The following SNTG1 variants were observed in gnomAD, a reference collection of about 807,000 sequenced individuals.
SNTG1 encodes the protein gamma-1-syntrophin.
Under a neutral mutation model 74.7 loss-of-function variants are expected in SNTG1, and 39 were observed. The ratio of observed to expected loss-of-function variants is 0.52; its 90% CI spans 0.40 to 0.68. The LOEUF (loss-of-function observed/expected upper bound fraction) is 0.68. Among genes scored for constraint, SNTG1 ranks in the 30% least tolerant of loss-of-function variants. The pLI is 0.00. For missense variants in SNTG1, 685 were observed against 609.5 expected (o/e 1.12, Z -1.30); for synonymous variants, 254 against 217.1 (o/e 1.17, Z -1.49).
intron 15 of SNTG1, among the ~76,000 whole-genome samples, chr8:50,673,710 T>C (rs970275699): frequency 1.3e-5 from 2 of 152,174 alleles, no homozygotes; most frequent in African/African-American, 4.8e-5. Context: ...TTTCCAATAC[T>C]ATGTTGAATA....
chr8:50,043,750 T>C (rs1444665356), intron 1 of SNTG1, among the ~76,000 whole-genome samples: 1 of 152,182 alleles, frequency 6.6e-6, no homozygotes, highest in Non-Finnish European at 1.5e-5. Flanking sequence ...AAAGTGTTGC[T>C]TGTGGAACAG....
intron 13 of SNTG1, chr8:50,643,939 G>T (rs1196607709): frequency 6.6e-6 from 1 of 152,224 alleles, no homozygotes; most frequent in Non-Finnish European, 1.5e-5. Context: ...TAAGCACTAG[G>T]AATGGTGCTC....
intron 4 of SNTG1, among the ~76,000 whole-genome samples, chr8:50,437,588 T>C (rs187143309): frequency 1.4e-4 from 21 of 152,186 alleles, no homozygotes; most frequent in Non-Finnish European, 2.5e-4. Context: ...CATTTGGAAA[T>C]GGATAATGTG....
chr8:50,713,697 G>T (rs904643492), intron 17 of SNTG1, among the ~76,000 whole-genome samples: 3 of 152,060 alleles, frequency 2.0e-5, no homozygotes, highest in African/African-American at 7.2e-5. Flanking sequence ...TTTATATAAG[G>T]TATAAGGAAG....
intron 13 of SNTG1, among the ~76,000 whole-genome samples, chr8:50,606,298 A>T (rs1186741096): frequency 6.6e-6 from 1 of 152,134 alleles, no homozygotes; most frequent in Admixed American, 6.6e-5. Flanking sequence ...AAGATAGGTT[A>T]GCTCTCTACC....
chr8:50,615,123 T>C (rs2094877516), intron 13 of SNTG1, among the ~76,000 whole-genome samples: 1 of 151,830 alleles, frequency 6.6e-6, no homozygotes, highest in Admixed American at 6.6e-5. Flanking sequence ...TTTGTTTGTT[T>C]GTTTGTTTTT....
intron 2 of SNTG1, among the ~76,000 whole-genome samples, chr8:50,201,246 T>G (rs1470334422): frequency 6.6e-6 from 1 of 152,198 alleles, no homozygotes; most frequent in South Asian, 2.1e-4. Flanking sequence ...TTAAGTGATA[T>G]TTTGCTATAA....
intron 1 of SNTG1, among the ~76,000 whole-genome samples, chr8:49,915,489 A>G (rs188301139): frequency 7.8e-4 from 119 of 152,332 alleles, no homozygotes; most frequent in Non-Finnish European, 1.3e-3. Context: ...TGGTATAAAT[A>G]TAAGTGATAT....
intron 2 of SNTG1, among the ~76,000 whole-genome samples, chr8:50,187,675 T>A (rs556650210): frequency 6.6e-6 from 1 of 152,284 alleles, no homozygotes; most frequent in African/African-American, 2.4e-5. Context: ...GTCACATTTC[T>A]TTTGCTCTGA....
At chr8:50,475,678 G>A (rs569862044) in intron 8 of SNTG1, among the ~76,000 whole-genome samples, 52 of 152,228 alleles carry the variant, frequency 3.4e-4, no homozygotes, top group Admixed American at 9.8e-4. Context: ...TGCTCCTAGA[G>A]TAATGCCTGG....
intron 1 of SNTG1, among the ~76,000 whole-genome samples, chr8:50,101,385 G>A (rs973427942): frequency 9.9e-5 from 15 of 151,994 alleles, no homozygotes; most frequent in Admixed American, 3.3e-4. Context: ...GAACTAATTT[G>A]CATTCCCACC....
chr8:50,681,470 T>C (rs1585511131), intron 15 of SNTG1, among the ~76,000 whole-genome samples: 1 of 152,322 alleles, frequency 6.6e-6, no homozygotes, highest in East Asian at 1.9e-4. Context: ...ACACATCGCA[T>C]AATTTTATAT....
At chr8:50,411,587 A>C (rs1330729452) in intron 4 of SNTG1, among the ~76,000 whole-genome samples, 1 of 152,052 alleles carries the variant, frequency 6.6e-6, no homozygotes, top group Non-Finnish European at 1.5e-5. Flanking sequence ...TTATAACAGA[A>C]AGATAATACA....
chr8:50,008,579 C>T (rs1004575085), intron 1 of SNTG1, among the ~76,000 whole-genome samples: 5 of 151,934 alleles, frequency 3.3e-5, no homozygotes, highest in Non-Finnish European at 4.4e-5. Context: ...AATGAATGAA[C>T]GGATGATAGA....
chr8:50,727,891 C>T (rs1357435745), intron 17 of SNTG1, among the ~76,000 whole-genome samples: 1 of 152,164 alleles, frequency 6.6e-6, no homozygotes, highest in Non-Finnish European at 1.5e-5. Context: ...TTCCTCCTAC[C>T]TCCTGATTGT....
intron 2 of SNTG1, among the ~76,000 whole-genome samples, chr8:50,375,312 C>A (rs1452156247): frequency 6.6e-6 from 1 of 151,960 alleles, no homozygotes; most frequent in East Asian, 1.9e-4. Context: ...GGCTGGTGTG[C>A]TGGGGCAATG....
Position 50,120,347 on chromosome 8 carries a change from C to A in SNTG1, c.-102-52214C>A, listed in dbSNP as rs1297712101. On this transcript the variant is annotated intron_variant, in intron 1 of 18. Transcript: ENST00000642720. The stretch of plus-strand genomic sequence containing the variant: ...ACTACCAGTGTTACTACGATCACGA[C>A]TACTGCCACTAATACTACCAATATT... Among the ~76,000 whole-genome samples, 3 of 140,052 alleles carry A rather than the reference C, an allele frequency of 2.1e-5. 1 individual carries two copies. Among genetic ancestry groups the A allele is most frequent in the Admixed American group, 7.4e-5 (1 of 13,512 alleles). The allele number at this position is 140,052 out of a possible 152,430, so 91.9% of individuals were successfully genotyped here. A position where few individuals can be genotyped will look rare whatever the true frequency, so the allele number is the denominator to read the frequency against.
In SNTG1 at chr8:50,402,332, T is replaced by C; in HGVS notation, c.150T>C (p.Pro50=). The change falls in exon 4 of 19, where the codon CCT becomes CCC. Residue 50 remains proline, a synonymous_variant. Transcript: ENST00000642720. ...ATGTGATATGTGTGTCTGGTGAGCC[T>C]TTCTATTCTGGTGTAAGTAGCTTTT... is the stretch of plus-strand genomic sequence containing the variant. ...EQDVICVSGE[P]FYSGERTVTI... is the part of the protein sequence containing the mutation. 2 of 1,596,682 alleles carry C rather than the reference T, an allele frequency of 1.3e-6. No individual in the cohort carries two copies. Among genetic ancestry groups the C allele is most frequent in the Non-Finnish European group, 1.7e-6 (2 of 1,175,882 alleles).
intron 8 of SNTG1, among the ~76,000 whole-genome samples, chr8:50,468,638 T>C (rs574350276): frequency 6.6e-6 from 1 of 152,290 alleles, no homozygotes; most frequent in Admixed American, 6.5e-5. Context: ...AAGTTATTGA[T>C]GTAACTGAAT....
Sources: gnomAD v4.1 joint callset for allele counts (sites outside exome capture counted in the v4.1 genomes callset) on GRCh38, gnomAD v4.1.1 for gene constraint, MANE v1.5 for transcripts, NCBI Gene and HGNC (gene_info 2026-07-23, HGNC 2026-07-21) for gene names.